The following DPY19L1 variants were observed in gnomAD, a reference collection of about 807,000 sequenced individuals.
DPY19L1 encodes protein C-mannosyl-transferase DPY19L1.
A neutral mutation model predicts 96.9 loss-of-function variants in DPY19L1; 35 were observed. The observed-to-expected ratio is 0.36, with a 90% CI of 0.28 to 0.48. DPY19L1 has a LOEUF of 0.48. DPY19L1 is among the 20% of genes least tolerant of loss of function. DPY19L1 has a pLI of 0.99. For synonymous variants in DPY19L1, 205 were observed against 252.6 expected, an observed-to-expected ratio of 0.81 and a Z score of 1.79; for missense variants, 521 against 777.9, an observed-to-expected ratio of 0.67 and a Z score of 3.93.
intron 1 of DPY19L1, among the ~76,000 whole-genome samples, chr7:35,019,467 GAA>G (rs886776806): frequency 8.9e-5 from 13 of 146,776 alleles, no homozygotes; most frequent in African/African-American, 3.3e-4. Flanking sequence ...AAAAACAAAA[GAA>G]AGAGAAAAAG....
chr7:35,021,831 T>A (rs541413551), intron 1 of DPY19L1, among the ~76,000 whole-genome samples: 1 of 152,180 alleles, frequency 6.6e-6, no homozygotes, highest in Admixed American at 6.5e-5. Context: ...ACTTTTTTAA[T>A]CTTAAATATG....
intron 7 of DPY19L1, among the ~76,000 whole-genome samples, chr7:34,983,478 A>G (rs1784982063): frequency 6.7e-6 from 1 of 149,562 alleles, no homozygotes; most frequent in South Asian, 2.2e-4. Context: ...AATTCTAAGA[A>G]GGAACGAAGG....
chr7:35,019,934 G>C (rs1442985554), intron 1 of DPY19L1, among the ~76,000 whole-genome samples: 1 of 152,102 alleles, frequency 6.6e-6, no homozygotes. Context: ...GGAAGTAGGG[G>C]GATCAGCTGA....
chr7:34,996,113 T>C (rs1435316341), intron 6 of DPY19L1, among the ~76,000 whole-genome samples: 2 of 152,226 alleles, frequency 1.3e-5, no homozygotes, highest in African/African-American at 4.8e-5. Context: ...ACTTATTAGA[T>C]TGTGAACTCC....
Position 34,989,919 on chromosome 7 carries a change from C to A in DPY19L1, c.787G>T (p.Val263Phe), listed in dbSNP as rs775841504. 6.2e-7 allele frequency: 1 copy of A among 1,608,890 alleles called. No homozygotes were observed. The highest frequency in any genetic ancestry group is 8.5e-7 in the Non-Finnish European group (1 of 1,178,474). The part of the protein sequence containing the change: ...YLSGSRLGGL[V>F]TVLCFFFNHG... ...TTGAAAAAGAAGCACAACACTGTAA[C>A]CAGGCCTCCTAATCGGCTGCCACTG... The change falls in exon 7 of 22, where the codon GTT becomes TTT. Residue 263 changes from valine to phenylalanine, a missense_variant. Coordinates refer to ENST00000638088, the MANE Select transcript of DPY19L1 (RefSeq NM_001366673.1).
rs554331972 is a variant in DPY19L1, at chr7:34,943,666, C to G, written c.1545-1027G>C. Among the ~76,000 whole-genome samples, 4 of 152,240 alleles carry G rather than the reference C, an allele frequency of 2.6e-5. No individual in the cohort carries two copies. In the South Asian group the frequency reaches 8.3e-4, roughly 32 times the overall value. ...TCCTCTTCCAAAAAAGAGCTCTGAT[C>G]CTATTTGAACTGACAACTCCATGAA... is the stretch of plus-strand genomic sequence containing the variant. On this transcript the variant is annotated intron_variant, in intron 16 of 21. Transcript: ENST00000638088.
intron 10 of DPY19L1, among the ~76,000 whole-genome samples, chr7:34,964,883 C>T (rs1784577685): frequency 6.6e-6 from 1 of 151,862 alleles, no homozygotes; most frequent in Non-Finnish European, 1.5e-5. Flanking sequence ...TAGGAATTTA[C>T]AACAATGGAA....
chr7:34,953,996 G>GAAGA (rs1444349966), intron 13 of DPY19L1, among the ~76,000 whole-genome samples: 1 of 152,066 alleles, frequency 6.6e-6, no homozygotes, highest in African/African-American at 2.4e-5. Context: ...ATCTAGTACA[G>GAAGA]AAAGAAGAAA....
chr7:34,998,519 G>A (rs1463113262), intron 6 of DPY19L1, among the ~76,000 whole-genome samples: 1 of 152,208 alleles, frequency 6.6e-6, no homozygotes, highest in Non-Finnish European at 1.5e-5. Context: ...ATGACCAGGG[G>A]TGAGGGGGAG....
At chr7:34,972,302 T>C (rs1339537016) in intron 8 of DPY19L1, among the ~76,000 whole-genome samples, 2 of 152,318 alleles carry the variant, frequency 1.3e-5, no homozygotes, top group South Asian at 4.1e-4. Context: ...TTTGTGGTGA[T>C]GGGCTACACA....
intron 19 of DPY19L1, 91 bp from the exon 20 acceptor site, chr7:34,939,466 A>T: frequency 9.0e-7 from 1 of 1,109,412 alleles, no homozygotes; most frequent in Non-Finnish European, 1.3e-6. Context: ...CACAGGTAAC[A>T]GAGCGGAAGC....
intron 1 of DPY19L1, among the ~76,000 whole-genome samples, chr7:35,019,309 C>T (rs1785933825): frequency 6.6e-6 from 1 of 152,150 alleles, no homozygotes; most frequent in South Asian, 2.1e-4. Context: ...GATACAGTGG[C>T]ACATGCCTGT....
chr7:34,982,954 A>C (rs1178017611), intron 7 of DPY19L1, among the ~76,000 whole-genome samples: 1 of 152,226 alleles, frequency 6.6e-6, no homozygotes, highest in African/African-American at 2.4e-5. Context: ...CCCAGTTTAA[A>C]GAATGGTAAG....
chr7:35,026,492 C>T (rs1342984005), intron 1 of DPY19L1, among the ~76,000 whole-genome samples: 1 of 97,804 alleles, frequency 1.0e-5, no homozygotes, highest in African/African-American at 3.7e-5. Flanking sequence ...CATTTCTGGG[C>T]CCCCACTCTC....
chr7:34,942,549 AGAAAG>A (rs945552239), intron 17 of DPY19L1, 61 bp downstream of exon 17: 53 of 1,298,696 alleles, frequency 4.1e-5, no homozygotes, highest in Admixed American at 3.1e-4. Flanking sequence ...AACTGGAACT[AGAAAG>A]GAAAGTCCAA....
At chr7:34,947,254 T>C (rs193295257) in intron 15 of DPY19L1, among the ~76,000 whole-genome samples, 170 of 152,252 alleles carry the variant, frequency 1.1e-3, no homozygotes, top group African/African-American at 3.9e-3. Context: ...AATCCAGGAG[T>C]TATTGCACAC....
chr7:34,934,164 C>T (rs1428527998), intron 21 of DPY19L1, among the ~76,000 whole-genome samples: 1 of 151,954 alleles, frequency 6.6e-6, no homozygotes, highest in Non-Finnish European at 1.5e-5. Flanking sequence ...AAGGTTTCAC[C>T]GTGTTAGCCA....
At chr7:34,989,649 A>C (rs1363734835) in intron 7 of DPY19L1, among the ~76,000 whole-genome samples, 16 of 139,296 alleles carry the variant, frequency 1.1e-4, no homozygotes, top group East Asian at 2.1e-4. Flanking sequence ...AACAACAAAA[A>C]AAAAAAACAG....
intron 3 of DPY19L1, among the ~76,000 whole-genome samples, chr7:35,015,825 T>G (rs1199867861): frequency 1.3e-5 from 2 of 152,238 alleles, no homozygotes; most frequent in African/African-American, 4.8e-5. Flanking sequence ...AGAACCCACA[T>G]GGCCTCCTGG....
Sources: gnomAD v4.1 joint callset for allele counts (sites outside exome capture counted in the v4.1 genomes callset) on GRCh38, gnomAD v4.1.1 for gene constraint, MANE v1.5 for transcripts, NCBI Gene and HGNC (gene_info 2026-07-23, HGNC 2026-07-21) for gene names.